Variants in EXD3 observed in about 807,000 individuals in gnomAD.
EXD3 encodes the protein exonuclease 3'-5' domain containing 3, also known as exonuclease mut-7 homolog.
A neutral mutation model predicts 98.0 loss-of-function variants in EXD3; 92 were observed. The ratio of observed to expected loss-of-function variants is 0.94; its 90% CI spans 0.79 to 1.12. EXD3 has a LOEUF of 1.12. Among genes scored for constraint, EXD3 ranks in the 50% most tolerant of loss-of-function variants. The pLI, the probability that EXD3 is intolerant of heterozygous loss-of-function variation, is 0.00. For synonymous variants in EXD3, 569 were observed against 526.0 expected, an observed-to-expected ratio of 1.08 and a Z score of -1.12; for missense variants, 1,222 against 1,191.6, an observed-to-expected ratio of 1.03 and a Z score of -0.38.
At chr9:137,355,585 GGAGAAAGGGCGGAA>G (rs1564508638) in intron 8 of EXD3, among the ~76,000 whole-genome samples, 1 of 65,840 alleles carries the variant, frequency 1.5e-5, no homozygotes, top group East Asian at 6.9e-4. Flanking sequence ...GAAGGAGGAA[GGAGAAAGGGCGGAA>G]GGAGAAAGGA....
chr9:137,330,931 T>A (rs1833037885), intron 17 of EXD3, among the ~76,000 whole-genome samples: 1 of 152,108 alleles, frequency 6.6e-6, no homozygotes, highest in Admixed American at 6.5e-5. Context: ...CATGATAATG[T>A]CTAATTTGCA....
At chr9:137,355,525 G>GA (rs1834640068) in intron 8 of EXD3, among the ~76,000 whole-genome samples, 5 of 63,568 alleles carry the variant, frequency 7.9e-5, no homozygotes, top group East Asian at 5.7e-4. Flanking sequence ...GAGGAAGGAG[G>GA]ATGGAGGAAG....
chr9:137,380,096 C>A (rs1588389491), intron 3 of EXD3, among the ~76,000 whole-genome samples: 1 of 152,038 alleles, frequency 6.6e-6, no homozygotes. Flanking sequence ...CCCTTGGGAC[C>A]CATGGCTCTG....
chr9:137,344,337 A>T (rs1239987950), intron 17 of EXD3, among the ~76,000 whole-genome samples: 3 of 152,178 alleles, frequency 2.0e-5, no homozygotes, highest in African/African-American at 7.2e-5. Flanking sequence ...AAAATTGGTC[A>T]GTTGGGCCGA....
intron 17 of EXD3, among the ~76,000 whole-genome samples, chr9:137,342,693 A>G (rs1206064796): frequency 6.6e-6 from 1 of 152,184 alleles, no homozygotes; most frequent in Non-Finnish European, 1.5e-5. Flanking sequence ...TCAGTCAGGG[A>G]ACTGTTTCCC....
intron 19 of EXD3, among the ~76,000 whole-genome samples, chr9:137,320,773 A>T (rs1210786895): frequency 6.6e-6 from 1 of 152,132 alleles, no homozygotes; most frequent in East Asian, 1.9e-4. Context: ...CCGGCTGGCC[A>T]GGGCTCCAGC....
chr9:137,315,364 T>A (rs1831589400), intron 19 of EXD3, among the ~76,000 whole-genome samples: 1 of 152,128 alleles, frequency 6.6e-6, no homozygotes, highest in Admixed American at 6.5e-5. Flanking sequence ...GCCCACCTCC[T>A]CCCAGCCTGC....
In EXD3 at chr9:137,403,417, C is replaced by G. The variant is rs1191282285; in HGVS notation, c.-47-8013G>C. Among the ~76,000 whole-genome samples the G allele has an allele frequency of 5.0e-5, 2 of 40,246 alleles. No homozygotes were observed. The highest frequency in any genetic ancestry group is 1.1e-4 in the Non-Finnish European group (2 of 17,930). The allele number at this position is 40,246 out of a possible 152,430, so 26.4% of individuals were successfully genotyped here. The stretch of plus-strand genomic sequence containing the variant: ...CGTTCCTCTGTAGCCCTCCCCACCC[C>G]CAGCCCAGCAGCAGCAGCAGCCAGC... On this transcript the variant is annotated intron_variant, in intron 1 of 21. Coordinates refer to ENST00000340951, the MANE Select transcript of EXD3 (RefSeq NM_017820.5). This position sits in a 1 kb window ranked among gnomAD's most constrained non-coding sequence, Gnocchi z 6.1.
Position 137,393,142 on chromosome 9 carries a change from G to A in EXD3, c.55+2161C>T. On this transcript the variant is annotated intron_variant, in intron 2 of 21. Transcript: ENST00000340951. This position sits in a 1 kb window ranked among gnomAD's most constrained non-coding sequence, Gnocchi z 4.6. ...CCATTAGTGTTCCAGGGGGCGCCGA[G>A]GCTGTTCCAGGGGCCCTGCTAGCTG... is the stretch of plus-strand genomic sequence containing the variant. 2 of 701,918 alleles carry A rather than the reference G, an allele frequency of 2.8e-6. No homozygotes were observed. The highest frequency in any genetic ancestry group is 1.5e-5 in the South Asian group (1 of 67,540). The allele number at this position is 701,918 out of a possible 1,614,324, so 43.5% of individuals were successfully genotyped here.
At chr9:137,391,552 G>A (rs888428717) in intron 2 of EXD3, among the ~76,000 whole-genome samples, 1 of 151,912 alleles carries the variant, frequency 6.6e-6, no homozygotes, top group East Asian at 1.9e-4. Context: ...ATCTGCCAGA[G>A]GGCCGGCCTC....
Position 137,360,626 on chromosome 9 carries a change from A to G in EXD3, c.657-4258T>C, listed in dbSNP as rs55637897. The stretch of plus-strand genomic sequence containing the variant: ...CAGGCATCTGCTACCATGCCCAGCT[A>G]ATTTTTGTATTTTTAGTAGAGACGA... On this transcript the variant is annotated intron_variant, in intron 7 of 21. Transcript: ENST00000340951. Among the ~76,000 whole-genome samples, 13 of 83,778 alleles carry G rather than the reference A, an allele frequency of 1.6e-4. 5 individuals are homozygous for G. Among genetic ancestry groups the G allele is most frequent in the Admixed American group, 2.9e-4 (2 of 6,878 alleles). The allele number at this position is 83,778 out of a possible 152,430, so 55.0% of individuals were successfully genotyped here. A position where few individuals can be genotyped will look rare whatever the true frequency, so the allele number is the denominator to read the frequency against.
intron 1 of EXD3, among the ~76,000 whole-genome samples, chr9:137,406,624 T>A (rs932922244): frequency 2.6e-5 from 4 of 152,178 alleles, no homozygotes; most frequent in Non-Finnish European, 5.9e-5. Flanking sequence ...GCGGCATTAG[T>A]GGCGCTGATG....
At chr9:137,351,933 C>T in intron 12 of EXD3, 133 bp downstream of exon 12, 1 of 1,191,658 alleles carries the variant, frequency 8.4e-7, no homozygotes. Flanking sequence ...GCCCTCACAG[C>T]AGCCCTGGGG....
chr9:137,353,443 C>T, intron 10 of EXD3: 3 of 985,376 alleles, frequency 3.0e-6, no homozygotes, highest in South Asian at 4.7e-5. Context: ...TTCCCCTCCT[C>T]CTCATTATGT....
intron 1 of EXD3, among the ~76,000 whole-genome samples, chr9:137,418,899 A>T (rs1564226558): frequency 2.6e-5 from 4 of 152,196 alleles, no homozygotes; most frequent in African/African-American, 7.2e-5. Context: ...GAAATCTCTG[A>T]ATTACCAATT....
rs368965700 is a variant in EXD3 at position 137,395,176 on chromosome 9, G to A, written c.55+127C>T. On this transcript the variant is annotated intron_variant, in intron 2 of 21. Coordinates refer to ENST00000340951, the MANE Select transcript of EXD3 (RefSeq NM_017820.5). The surrounding 1 kb of genome is among the most constrained non-coding windows in gnomAD (Gnocchi z 6.5). ...AGCCGTGGACACTGTAGAGAGGCCC[G>A]CAGCTAGGGGCCAGCAGCCTGGCCC... 6 of 850,206 alleles carry A rather than the reference G, an allele frequency of 7.1e-6. No individual in the cohort carries two copies. The highest frequency in any genetic ancestry group is 2.5e-5 in the East Asian group (1 of 39,630). 52.7% of individuals were successfully genotyped at this position (850,206 alleles called of 1,614,324 possible).
In EXD3 at chr9:137,352,278, A is replaced by T. The variant is rs1023012604; in HGVS notation, c.1038-77T>A. ...TCTGACCTCGGAGCAGGAGGGGAGC[A>T]TTCAGGGCCTGTTTGGTGGGGGCAT... On this transcript the variant is annotated intron_variant, in intron 11 of 21. Transcript: ENST00000340951. 2.5e-6 allele frequency: 4 copies of T among 1,580,896 alleles called. No individual in the cohort carries two copies. In the Admixed American group the frequency reaches 6.8e-5, roughly 27 times the overall value.
chr9:137,308,701 A>G (rs1831194376), intron 20 of EXD3, among the ~76,000 whole-genome samples: 1 of 134,710 alleles, frequency 7.4e-6, no homozygotes, highest in South Asian at 2.4e-4. Flanking sequence ...CAGTGGTGTG[A>G]TCTCGGCTCA....
Position 137,386,753 on chromosome 9 carries a change from CCCCTCAGCACCCCTGCTCCCTGCCTGCCT to C in EXD3, c.56-3405_56-3377del, listed in dbSNP as rs1305137488. ...AGCACCCAGCAGCCTGCCCGGAAGC[CCCCTCAGCACCCCTGCTCCCTGCCTGCCT>C]CCCTCAGCACCCCTGCTCCCTGCCT... On this transcript the variant is annotated intron_variant, in intron 2 of 21. Transcript: ENST00000340951. Among the ~76,000 whole-genome samples the C allele has an allele frequency of 9.2e-4, 140 of 151,672 alleles. 1 individual carries two copies. Among genetic ancestry groups the C allele is most frequent in the African/African-American group, 3.1e-3 (126 of 41,240 alleles).
Sources: allele counts gnomAD v4.1 joint callset (sites outside exome capture counted in the v4.1 genomes callset), GRCh38; gene constraint gnomAD v4.1.1; non-coding constraint Gnocchi (gnomAD v3.1); transcripts MANE v1.5; gene names NCBI Gene and HGNC (gene_info 2026-07-23, HGNC 2026-07-21).